The following HAVCR1 variants were observed in gnomAD, a reference collection of about 807,000 sequenced individuals.
The protein encoded by HAVCR1 is T cell immunoglobin domain and mucin domain protein 1.
A neutral mutation model predicts 32.0 loss-of-function variants in HAVCR1; 34 were observed. The observed-to-expected ratio is 1.06, with a 90% CI of 0.81 to 1.42. The LOEUF is 1.42. HAVCR1 is among the 40% of genes most tolerant of loss of function. HAVCR1 has a pLI of 0.00. For missense variants in HAVCR1, 420 were observed against 442.3 expected (o/e 0.95, Z 0.45); for synonymous variants, 178 against 170.3 (o/e 1.05, Z -0.35).
chr5:157,053,616 T>C (rs1755909488), intron 3 of HAVCR1, among the ~76,000 whole-genome samples: 1 of 152,186 alleles, frequency 6.6e-6, no homozygotes, highest in African/African-American at 2.4e-5. Context: ...ACGCCTGTAA[T>C]CCCAGCACTT....
intron 7 of HAVCR1, among the ~76,000 whole-genome samples, chr5:157,033,325 A>G (rs1158591669): frequency 6.6e-6 from 1 of 152,128 alleles, no homozygotes; most frequent in East Asian, 1.9e-4. Flanking sequence ...TCTCTCCTAA[A>G]CAAGGAAATA....
At chr5:157,066,592 T>C in the HAVCR1 span, among the ~76,000 whole-genome samples, 3 of 151,382 alleles carry the variant, frequency 2.0e-5, no homozygotes, top group African/African-American at 7.3e-5. Context: ...AGCATGTTTG[T>C]ATGATCTGGA....
chr5:157,033,170 AT>A (rs1012021469), intron 7 of HAVCR1, among the ~76,000 whole-genome samples: 17 of 149,930 alleles, frequency 1.1e-4, no homozygotes, highest in Middle Eastern at 3.5e-3. Flanking sequence ...TTTAAAAAAA[AT>A]GAGTAAGTCC....
intron 8 of HAVCR1, among the ~76,000 whole-genome samples, chr5:157,032,019 A>G (rs920947966): frequency 6.6e-6 from 1 of 152,086 alleles, no homozygotes; most frequent in African/African-American, 2.4e-5. Flanking sequence ...TCTTCCTCCA[A>G]ATTAGCTGCT....
At chr5:157,065,302 G>A in the HAVCR1 span, among the ~76,000 whole-genome samples, 4 of 76,716 alleles carry the variant, frequency 5.2e-5, no homozygotes, top group East Asian at 1.4e-3. Context: ...GCGAGACTCC[G>A]CCTCAAAAAA....
intron 3 of HAVCR1, among the ~76,000 whole-genome samples, chr5:157,054,799 T>C (rs775459071): frequency 4.6e-5 from 7 of 152,204 alleles, no homozygotes; most frequent in Non-Finnish European, 8.8e-5. Flanking sequence ...AAACAACCAA[T>C]TGCATAGTAT....
At chr5:157,041,730 C>G (rs577345425) in intron 6 of HAVCR1, among the ~76,000 whole-genome samples, 92 of 152,232 alleles carry the variant, frequency 6.0e-4, no homozygotes, top group African/African-American at 2.2e-3. Context: ...TTGAATTCCT[C>G]CTTGGTGTGT....
At chr5:157,037,839 C>A (rs1213275259) in intron 6 of HAVCR1, among the ~76,000 whole-genome samples, 1 of 152,008 alleles carries the variant, frequency 6.6e-6, no homozygotes, top group Non-Finnish European at 1.5e-5. Context: ...CATGGTGAAA[C>A]CCCATCTCTA....
chr5:157,050,763 G>A (rs12523163), intron 4 of HAVCR1, among the ~76,000 whole-genome samples: 17 of 152,272 alleles, frequency 1.1e-4, no homozygotes, highest in Admixed American at 2.6e-4. Context: ...TAGTGTGTGC[G>A]GCTGCCTGGA....
At chr5:157,039,974 T>C (rs1455607551) in intron 6 of HAVCR1, among the ~76,000 whole-genome samples, 1 of 152,160 alleles carries the variant, frequency 6.6e-6, no homozygotes, top group African/African-American at 2.4e-5. Flanking sequence ...CTTCTAAACA[T>C]ACCTATTCTG....
intron 6 of HAVCR1, among the ~76,000 whole-genome samples, chr5:157,038,132 A>G (rs1205504784): frequency 6.6e-6 from 1 of 152,240 alleles, no homozygotes; most frequent in Non-Finnish European, 1.5e-5. Flanking sequence ...TACCTGTAAT[A>G]GAAGATTCTG....
intron 2 of HAVCR1, among the ~76,000 whole-genome samples, chr5:157,057,014 T>G (rs1046364167): frequency 1.3e-5 from 2 of 151,918 alleles, no homozygotes; most frequent in Non-Finnish European, 2.9e-5. Context: ...GAGGTTGCAG[T>G]GAATCAAGAT....
chr5:157,048,936 G>T (rs1755577244), intron 5 of HAVCR1, 102 bp downstream of exon 5: 2 of 716,816 alleles, frequency 2.8e-6, no homozygotes, highest in Admixed American at 4.3e-5. Context: ...GCCTGGTGTT[G>T]GCACTCAGAT....
Position 157,047,475 on chromosome 5 carries a change from TG to T in HAVCR1, c.781+1562del, listed in dbSNP as rs530674664. ...CTGAGGCAGGAGAATTGCTTGAACTTGGGAGCAGAGGTTGCAGTGAGCCAAG... is the reference window on the plus strand; with the variant it reads ...CTGAGGCAGGAGAATTGCTTGAACTTGGAGCAGAGGTTGCAGTGAGCCAAG... On this transcript the variant is annotated intron_variant, in intron 5 of 8. Coordinates refer to ENST00000523175, the MANE Select transcript of HAVCR1 (RefSeq NM_001173393.3). 2.6e-5 allele frequency among the ~76,000 whole-genome samples: 4 copies of T among 151,814 alleles called. No homozygotes were observed. The South Asian group carries it at 8.3e-4, about 32-fold the overall frequency.
chr5:157,033,496 G>T (rs908186416), intron 7 of HAVCR1, among the ~76,000 whole-genome samples: 1 of 148,248 alleles, frequency 6.7e-6, no homozygotes, highest in East Asian at 2.0e-4. Flanking sequence ...CTAGCTAAAG[G>T]CCAGATCCTC....
At chr5:157,032,947 T>A in intron 7 of HAVCR1, 60 bp from the exon 8 acceptor site, 1 of 997,040 alleles carries the variant, frequency 1.0e-6, no homozygotes, top group South Asian at 1.5e-5. Flanking sequence ...TCAGCAAGAG[T>A]TTTAATCTTT....
chr5:157,052,797 C>T, intron 3 of HAVCR1, 143 bp from the exon 4 acceptor site: 1 of 726,976 alleles, frequency 1.4e-6, no homozygotes, highest in Non-Finnish European at 2.4e-6. Flanking sequence ...GGTCATTGCC[C>T]AGCTAGAAAC....
Position 157,055,484 on chromosome 5 carries a change from G to A in HAVCR1, c.96C>T (p.Val32=). 11 of 1,603,958 alleles carry A rather than the reference G, an allele frequency of 6.9e-6. No individual in the cohort carries two copies. Among genetic ancestry groups the A allele is most frequent in the Non-Finnish European group, 9.4e-6 (11 of 1,173,198 alleles). The change falls in exon 3 of 9, where the codon GTC becomes GTT. Residue 32 remains valine, a synonymous_variant. Coordinates refer to ENST00000523175, the MANE Select transcript of HAVCR1 (RefSeq NM_001173393.3). ...CTCCACTGTAGTGGCAGGGTAGTGT[G>A]ACAGATGGACCTGCCTCTCCACCAA... ...VKVGGEAGPS[V]TLPCHYSGAV... is the part of the protein sequence containing the mutation.
chr5:157,043,441 C>T lies in HAVCR1; in HGVS notation c.782-759G>A, dbSNP rs973265334. ...AAGCACTTTGGGAGTCCAAGGCAGG[C>T]GGATCACTTGAGGTCAGGAGTTCAA... On this transcript the variant is annotated intron_variant, in intron 5 of 8. Coordinates refer to ENST00000523175, the MANE Select transcript of HAVCR1 (RefSeq NM_001173393.3). Among the ~76,000 whole-genome samples, 21 of 152,230 alleles carry T rather than the reference C, an allele frequency of 1.4e-4. No individual in the cohort carries two copies. In the East Asian group the frequency reaches 3.5e-3, roughly 25 times the overall value.
Sources: gnomAD v4.1 joint callset for allele counts (sites outside exome capture counted in the v4.1 genomes callset) on GRCh38, gnomAD v4.1.1 for gene constraint, MANE v1.5 for transcripts, NCBI Gene and HGNC (gene_info 2026-07-23, HGNC 2026-07-21) for gene names.